R3HCC1L: variants seen among roughly 807,000 people sequenced by gnomAD.
R3HCC1L encodes the protein coiled-coil domain-containing protein R3HCC1L.
In R3HCC1L, 51 loss-of-function variants were observed where a neutral mutation model predicts 59.9. The observed-to-expected ratio is 0.85, with a 90% CI of 0.68 to 1.07. The LOEUF is 1.07. Ranked by LOEUF, R3HCC1L falls within the 50% of genes least tolerant of loss-of-function variation. The pLI, the probability that R3HCC1L is intolerant of heterozygous loss-of-function variation, is 0.00. For synonymous variants in R3HCC1L, 322 were observed against 315.2 expected, an observed-to-expected ratio of 1.02 and a Z score of -0.23; for missense variants, 965 against 933.0, an observed-to-expected ratio of 1.03 and a Z score of -0.45.
chr10:98,182,982 C>T (rs61875277), intron 4 of R3HCC1L, among the ~76,000 whole-genome samples: 27,898 of 152,106 alleles, frequency 0.18, 2,715 homozygotes, highest in Non-Finnish European at 0.21. Flanking sequence ...ATCCCCTGAC[C>T]GCTTGCGCTT....
At chr10:98,141,044 T>C (rs1845086739) in intron 1 of R3HCC1L, among the ~76,000 whole-genome samples, 1 of 152,180 alleles carries the variant, frequency 6.6e-6, no homozygotes, top group South Asian at 2.1e-4. Flanking sequence ...CTTCTTTTTC[T>C]AGGCATTTAC....
At position 98,139,207 on chromosome 10, in the gene R3HCC1L, G is replaced by A. The variant is rs532669852; in HGVS notation, c.-268+4501G>A. ...CTCACCAGAATGAATGAAAAGACTG[G>A]TATATTTTTTATTTGGCCCTAATGC... On this transcript the variant is annotated intron_variant, in intron 1 of 9. Coordinates refer to ENST00000298999, the MANE Select transcript of R3HCC1L (RefSeq NM_001351015.2). Among the ~76,000 whole-genome samples the A allele has an allele frequency of 3.9e-5, 6 of 152,210 alleles. No homozygotes were observed. The South Asian group carries it at 1.2e-3, about 32-fold the overall frequency.
At chr10:98,220,404 C>G (rs9733544) in intron 5 of R3HCC1L, among the ~76,000 whole-genome samples, 3,315 of 108,016 alleles carry the variant, frequency 0.031, 135 homozygotes, top group African/African-American at 0.096. Flanking sequence ...TTTTTTTATA[C>G]TCTAAGTTTT....
intron 9 of R3HCC1L, among the ~76,000 whole-genome samples, chr10:98,240,177 G>A (rs975823324): frequency 9.9e-5 from 15 of 152,096 alleles, no homozygotes; most frequent in Non-Finnish European, 1.5e-4. Context: ...ATGGTGGCGC[G>A]CACCTGTAGT....
At chr10:98,211,769 CAG>C (rs1254797530) in intron 5 of R3HCC1L, among the ~76,000 whole-genome samples, 3 of 152,044 alleles carry the variant, frequency 2.0e-5, no homozygotes, top group East Asian at 1.9e-4. Context: ...TTCAAAACAT[CAG>C]GGGCTGGAAC....
intron 4 of R3HCC1L, among the ~76,000 whole-genome samples, chr10:98,205,592 A>G (rs1852546439): frequency 6.6e-6 from 1 of 152,238 alleles, no homozygotes; most frequent in Non-Finnish European, 1.5e-5. Context: ...GGACACTTGG[A>G]AAGCTGATTG....
At chr10:98,195,854 T>C (rs1387384942) in intron 4 of R3HCC1L, among the ~76,000 whole-genome samples, 1 of 152,200 alleles carries the variant, frequency 6.6e-6, no homozygotes, top group Non-Finnish European at 1.5e-5. Flanking sequence ...AGTCAGCCAG[T>C]ATTCCAAAGC....
chr10:98,233,598 C>G (rs543346213), intron 6 of R3HCC1L, among the ~76,000 whole-genome samples: 2 of 152,250 alleles, frequency 1.3e-5, no homozygotes, highest in African/African-American at 4.8e-5. Flanking sequence ...TAAACTTGCC[C>G]AGGGTCTCAA....
At chr10:98,199,008 C>A (rs1319063716) in intron 4 of R3HCC1L, among the ~76,000 whole-genome samples, 1 of 151,956 alleles carries the variant, frequency 6.6e-6, no homozygotes, top group African/African-American at 2.4e-5. Context: ...AAAATAGTAT[C>A]ATTTCAACAT....
At chr10:98,142,446 C>T (rs545827325) in intron 1 of R3HCC1L, among the ~76,000 whole-genome samples, 14 of 150,042 alleles carry the variant, frequency 9.3e-5, no homozygotes, top group South Asian at 6.3e-4. Flanking sequence ...GAGACCAGCC[C>T]GGCCAATGTG....
intron 4 of R3HCC1L, among the ~76,000 whole-genome samples, chr10:98,192,631 A>G (rs889982406): frequency 2.6e-5 from 4 of 152,224 alleles, no homozygotes; most frequent in Non-Finnish European, 5.9e-5. Context: ...AGCAGTAAGG[A>G]AATTCAATTA....
chr10:98,154,941 A>T (rs2134081721), intron 1 of R3HCC1L, among the ~76,000 whole-genome samples: 1 of 152,320 alleles, frequency 6.6e-6, no homozygotes, highest in African/African-American at 2.4e-5. Flanking sequence ...ATATATACGT[A>T]TGTATGTGTT....
At chr10:98,210,654 AATT>A (rs1381917937) in intron 5 of R3HCC1L, among the ~76,000 whole-genome samples, 1 of 152,136 alleles carries the variant, frequency 6.6e-6, no homozygotes, top group Non-Finnish European at 1.5e-5. Flanking sequence ...GAAAGGAAAA[AATT>A]ATTTTCCTAT....
At chr10:98,140,609 T>A (rs1175180039) in intron 1 of R3HCC1L, among the ~76,000 whole-genome samples, 5 of 152,140 alleles carry the variant, frequency 3.3e-5, no homozygotes, top group South Asian at 2.1e-4. Context: ...GTGAATGTCA[T>A]GAGTAAGATG....
chr10:98,163,786 G>A (rs1179734473), intron 4 of R3HCC1L, among the ~76,000 whole-genome samples: 1 of 152,154 alleles, frequency 6.6e-6, no homozygotes, highest in African/African-American at 2.4e-5. Context: ...TTAAGGGTTT[G>A]ATTAACTGAT....
chr10:98,184,901 A>C (rs1037340905), intron 4 of R3HCC1L, among the ~76,000 whole-genome samples: 1 of 152,120 alleles, frequency 6.6e-6, no homozygotes, highest in East Asian at 1.9e-4. Flanking sequence ...GGTGTTTACT[A>C]TAGGTAAAGT....
At chr10:98,135,787 C>T (rs972872077) in intron 1 of R3HCC1L, among the ~76,000 whole-genome samples, 2 of 152,208 alleles carry the variant, frequency 1.3e-5, no homozygotes, top group African/African-American at 4.8e-5. Flanking sequence ...AACCTTCCTT[C>T]AGTATCACAC....
chr10:98,165,260 G>A (rs1847825860), intron 4 of R3HCC1L, among the ~76,000 whole-genome samples: 1 of 152,144 alleles, frequency 6.6e-6, no homozygotes, highest in Non-Finnish European at 1.5e-5. Flanking sequence ...ATGAGACTCT[G>A]TCTCAAAAAA....
chr10:98,234,566 A>G (rs563866181), intron 7 of R3HCC1L, 50 bp downstream of exon 7: 2 of 1,541,386 alleles, frequency 1.3e-6, no homozygotes, highest in Admixed American at 1.7e-5. Context: ...TCATTTTCTC[A>G]TGCTACTTTT....
Sources: gnomAD v4.1 joint callset for allele counts (sites outside exome capture counted in the v4.1 genomes callset) on GRCh38, gnomAD v4.1.1 for gene constraint, MANE v1.5 for transcripts, NCBI Gene and HGNC (gene_info 2026-07-23, HGNC 2026-07-21) for gene names.